The following SLCO1C1 variants were observed in gnomAD, a reference collection of about 807,000 sequenced individuals.
The protein encoded by SLCO1C1 is OAT-RP-5.
Under a neutral mutation model 76.4 loss-of-function variants are expected in SLCO1C1, and 70 were observed. That is an observed-to-expected ratio of 0.92 (90% CI 0.76 to 1.12). The LOEUF is 1.12. Ranked by LOEUF, SLCO1C1 falls within the 50% of genes most tolerant of loss-of-function variation. SLCO1C1 has a pLI of 0.00. For synonymous variants in SLCO1C1, 306 were observed against 286.1 expected (o/e 1.07, Z -0.70); for missense variants, 912 against 823.8 (o/e 1.11, Z -1.31).
intron 5 of SLCO1C1, among the ~76,000 whole-genome samples, chr12:20,714,812 G>C (rs1280851126): frequency 6.6e-6 from 1 of 152,136 alleles, no homozygotes; most frequent in Non-Finnish European, 1.5e-5. Flanking sequence ...TTTTGCCCCA[G>C]ATAGATACTG....
intron 9 of SLCO1C1, among the ~76,000 whole-genome samples, chr12:20,728,663 A>C (rs2120802570): frequency 6.6e-6 from 1 of 152,018 alleles, no homozygotes; most frequent in East Asian, 1.9e-4. Context: ...GTTCTAAAAC[A>C]TCTCCAAGTA....
chr12:20,743,221 G>A, intron 12 of SLCO1C1, 84 bp from the exon 13 acceptor site: 1 of 1,246,236 alleles, frequency 8.0e-7, no homozygotes, highest in Non-Finnish European at 1.1e-6. Context: ...ATGATTTCAT[G>A]TATGTTAGGC....
intron 9 of SLCO1C1, among the ~76,000 whole-genome samples, chr12:20,731,370 CTAAA>C (rs1212504131): frequency 2.7e-5 from 4 of 148,230 alleles, no homozygotes; most frequent in Non-Finnish European, 4.5e-5. Flanking sequence ...TGTTAAGAAA[CTAAA>C]TATATAAACT....
chr12:20,739,311 G>A (rs556796716), intron 11 of SLCO1C1, among the ~76,000 whole-genome samples: 2 of 152,004 alleles, frequency 1.3e-5, no homozygotes, highest in South Asian at 4.2e-4. Context: ...AGTAAATACA[G>A]GATATCCTGA....
chr12:20,709,298 C>A (rs975080892), intron 4 of SLCO1C1, among the ~76,000 whole-genome samples: 1 of 152,122 alleles, frequency 6.6e-6, no homozygotes, highest in Admixed American at 6.5e-5. Flanking sequence ...AAAACCTAAA[C>A]GTTAATTTTT....
Position 20,743,368 on chromosome 12 carries a change from T to C in SLCO1C1, c.1797T>C (p.Leu599=), listed in dbSNP as rs747096969. The part of the protein sequence containing the change: ...LGIYTLAIRV[L]AGIPAPVYFG... ...TCTACACATTAGCAATAAGAGTTCTTGGTAAGTTTAACCTATGCTTTAATT... is the reference window on the plus strand; with the variant it reads ...TCTACACATTAGCAATAAGAGTTCTCGGTAAGTTTAACCTATGCTTTAATT... Residue 599 remains leucine (L), a splice_region_variant and synonymous_variant, in exon 13 of 15, where the codon CTT becomes CTC. Transcript: ENST00000266509. The C allele has an allele frequency of 6.2e-7, 1 of 1,611,902 alleles. No individual in the cohort carries two copies.
chr12:20,725,269 TAA>T (rs1165024922), intron 9 of SLCO1C1, among the ~76,000 whole-genome samples: 1 of 141,368 alleles, frequency 7.1e-6, no homozygotes, highest in Non-Finnish European at 1.5e-5. Flanking sequence ...TAATATGTAT[TAA>T]TATAATATAT....
Position 20,723,263 on chromosome 12 carries a change from A to C in SLCO1C1, c.1186+9A>C, listed in dbSNP as rs778917406. 6 of 1,612,322 alleles carry C rather than the reference A, an allele frequency of 3.7e-6. No individual in the cohort carries two copies. In the African/African-American group the frequency reaches 5.3e-5, roughly 14 times the overall value. On this transcript the variant is annotated intron_variant, in intron 9 of 14. Transcript: ENST00000266509. ...GGCCAACTTTGTGATCGGTATGCTC[A>C]TCTGCCTTTCATGCTTTCTCAGAGG...
intron 3 of SLCO1C1, 127 bp from the exon 4 acceptor site, chr12:20,705,822 T>A (rs1946744686): frequency 1.1e-6 from 1 of 879,598 alleles, no homozygotes; most frequent in Non-Finnish European, 1.7e-6. Flanking sequence ...GGAAAAAAAT[T>A]AAATGATGCA....
intron 12 of SLCO1C1, 131 bp from the exon 13 acceptor site, chr12:20,743,174 C>G: frequency 3.9e-6 from 3 of 774,690 alleles, no homozygotes; most frequent in Non-Finnish European, 4.2e-6. Flanking sequence ...TGTTAGCACA[C>G]CAATGGGTTC....
chr12:20,699,051 T>A (rs76219134), intron 1 of SLCO1C1, among the ~76,000 whole-genome samples: 1,549 of 152,208 alleles, frequency 0.01, 35 homozygotes, highest in African/African-American at 0.034. Flanking sequence ...TTTTGTCATA[T>A]TTTAAGGCTC....
intron 3 of SLCO1C1, among the ~76,000 whole-genome samples, chr12:20,702,490 A>T (rs1946571650): frequency 6.6e-6 from 1 of 151,974 alleles, no homozygotes; most frequent in Non-Finnish European, 1.5e-5. Flanking sequence ...ATCTTTTTTT[A>T]AAACCTGAAT....
At chr12:20,702,828 G>A (rs898317106) in intron 3 of SLCO1C1, among the ~76,000 whole-genome samples, 5 of 151,724 alleles carry the variant, frequency 3.3e-5, no homozygotes, top group African/African-American at 7.2e-5. Context: ...ATATCATGAT[G>A]TTTTGATGTT....
chr12:20,706,083 T>G lies in SLCO1C1; in HGVS notation c.404+2T>G. ...AATGCCTCAGTTCTTCATGGAGCAG[T>G]AAGTCTAAAGCAATCATCTTTTCCT... On this transcript the variant is annotated splice_donor_variant, in intron 4 of 14. Transcript: ENST00000266509. LOFTEE classifies it high-confidence loss of function. 1 of 1,611,178 alleles carries G rather than the reference T, an allele frequency of 6.2e-7. No homozygotes were observed.
chr12:20,747,359 G>T (rs1456572567), intron 13 of SLCO1C1, among the ~76,000 whole-genome samples: 1 of 152,086 alleles, frequency 6.6e-6, no homozygotes, highest in African/African-American at 2.4e-5. Context: ...AACCCAGGAG[G>T]CAGAGGTTGC....
chr12:20,742,661 G>A (rs1948872820), intron 12 of SLCO1C1, among the ~76,000 whole-genome samples: 1 of 151,468 alleles, frequency 6.6e-6, no homozygotes, highest in African/African-American at 2.4e-5. Flanking sequence ...AGCCTCCTGA[G>A]TAGCTGGGAC....
intron 4 of SLCO1C1, among the ~76,000 whole-genome samples, chr12:20,708,480 TA>T (rs1421100901): frequency 6.6e-6 from 1 of 151,822 alleles, no homozygotes; most frequent in Non-Finnish European, 1.5e-5. Flanking sequence ...TAAAGACACA[TA>T]AGGAGTATGT....
chr12:20,702,162 C>A (rs1205338944), intron 3 of SLCO1C1, among the ~76,000 whole-genome samples: 5 of 151,774 alleles, frequency 3.3e-5, no homozygotes, highest in Admixed American at 6.6e-5. Context: ...GAAATAGTAC[C>A]CTCTCTGGTC....
At chr12:20,700,691 C>T (rs1946481258) in intron 2 of SLCO1C1, among the ~76,000 whole-genome samples, 1 of 151,780 alleles carries the variant, frequency 6.6e-6, no homozygotes, top group African/African-American at 2.4e-5. Context: ...CAAATCTCTG[C>T]TTTTTTCATA....
Sources: allele counts gnomAD v4.1 joint callset (sites outside exome capture counted in the v4.1 genomes callset), GRCh38; gene constraint gnomAD v4.1.1; transcripts MANE v1.5; gene names NCBI Gene and HGNC (gene_info 2026-07-23, HGNC 2026-07-21).